The following ST18 variants were observed in gnomAD, a reference collection of about 807,000 sequenced individuals.
ST18 encodes the protein suppression of tumorigenicity 18 protein.
In ST18, 50 loss-of-function variants were observed where a neutral mutation model predicts 110.0. The ratio of observed to expected loss-of-function variants is 0.45; its 90% CI spans 0.36 to 0.58. ST18 has a LOEUF of 0.58. Ranked by LOEUF, ST18 falls within the 20% of genes least tolerant of loss-of-function variation. The probability of loss-of-function intolerance (pLI) is 0.00; values close to 1 mark genes in which losing one functional copy is unlikely to be tolerated. For synonymous variants in ST18, 461 were observed against 452.4 expected, an observed-to-expected ratio of 1.02 and a Z score of -0.24; for missense variants, 1,306 against 1,280.1, an observed-to-expected ratio of 1.02 and a Z score of -0.31.
At chr8:52,118,117 A>G (rs890548647) in intron 24 of ST18, among the ~76,000 whole-genome samples, 1 of 152,224 alleles carries the variant, frequency 6.6e-6, no homozygotes, top group Non-Finnish European at 1.5e-5. Context: ...CGATGCCACC[A>G]GGGCAAAAAC....
intron 2 of ST18, among the ~76,000 whole-genome samples, chr8:52,330,108 C>T (rs1808494134): frequency 6.6e-6 from 1 of 152,138 alleles, no homozygotes; most frequent in Non-Finnish European, 1.5e-5. Flanking sequence ...TATTCATTTG[C>T]CCTAGGATGC....
At chr8:52,225,717 G>A (rs982618867) in intron 3 of ST18, among the ~76,000 whole-genome samples, 1 of 152,188 alleles carries the variant, frequency 6.6e-6, no homozygotes, top group African/African-American at 2.4e-5. Flanking sequence ...CATGCTAAGT[G>A]TTTCCTATCT....
chr8:52,335,999 C>T (rs1811879700), intron 2 of ST18, among the ~76,000 whole-genome samples: 1 of 152,138 alleles, frequency 6.6e-6, no homozygotes, highest in Non-Finnish European at 1.5e-5. Flanking sequence ...TCTCCCCTTC[C>T]CTGCAGCCCA....
intron 2 of ST18, among the ~76,000 whole-genome samples, chr8:52,252,196 T>C (rs2094344817): frequency 6.6e-6 from 1 of 152,066 alleles, no homozygotes; most frequent in African/African-American, 2.4e-5. Context: ...AAAGTTATAC[T>C]GGGTTTTGCA....
chr8:52,183,249 A>G (rs756681036), intron 8 of ST18, among the ~76,000 whole-genome samples: 1 of 152,202 alleles, frequency 6.6e-6, no homozygotes, highest in South Asian at 2.1e-4. Flanking sequence ...GAGTGAGGAT[A>G]TACACAACAG....
intron 2 of ST18, among the ~76,000 whole-genome samples, chr8:52,237,865 C>G (rs2092896738): frequency 1.3e-5 from 2 of 151,966 alleles, no homozygotes; most frequent in African/African-American, 4.8e-5. Context: ...AATTACAGCT[C>G]AATAATAAAA....
chr8:52,150,549 C>T (rs535761340), intron 15 of ST18, among the ~76,000 whole-genome samples: 3 of 152,210 alleles, frequency 2.0e-5, no homozygotes, highest in Non-Finnish European at 2.9e-5. Context: ...CTATGTGAGC[C>T]GGAAATGCTT....
intron 8 of ST18, among the ~76,000 whole-genome samples, chr8:52,209,788 A>AATATATAT (rs55960327): frequency 1.9e-5 from 2 of 105,696 alleles, no homozygotes; most frequent in African/African-American, 9.0e-5. Flanking sequence ...AAAAAAAAAA[A>AATATATAT]ATATATATAT....
At chr8:52,259,105 T>C (rs1298216829) in intron 2 of ST18, among the ~76,000 whole-genome samples, 1 of 152,196 alleles carries the variant, frequency 6.6e-6, no homozygotes, top group Non-Finnish European at 1.5e-5. Context: ...TAGATTGGGC[T>C]ATCTTGGTGA....
chr8:52,312,498 A>G (rs2139741780), intron 2 of ST18, among the ~76,000 whole-genome samples: 1 of 152,362 alleles, frequency 6.6e-6, no homozygotes, highest in Non-Finnish European at 1.5e-5. Context: ...AAGATGCAGC[A>G]TGGTGTTCCC....
At chr8:52,169,452 T>G (rs1289754540) in intron 10 of ST18, among the ~76,000 whole-genome samples, 1 of 152,134 alleles carries the variant, frequency 6.6e-6, no homozygotes, top group Non-Finnish European at 1.5e-5. Flanking sequence ...ACTAAATGCT[T>G]AGTGGCAAGA....
intron 19 of ST18, among the ~76,000 whole-genome samples, chr8:52,136,158 C>T (rs996587673): frequency 6.6e-6 from 1 of 152,044 alleles, no homozygotes; most frequent in African/African-American, 2.4e-5. Context: ...GGAATGAGCC[C>T]AAACTCTTGG....
At chr8:52,133,978 G>A (rs2050919032) in intron 19 of ST18, among the ~76,000 whole-genome samples, 1 of 152,092 alleles carries the variant, frequency 6.6e-6, no homozygotes, top group Non-Finnish European at 1.5e-5. Context: ...TGATCTGCCC[G>A]TCTCGGCCTC....
intron 2 of ST18, among the ~76,000 whole-genome samples, chr8:52,263,743 CT>C (rs755461916): frequency 0.035 from 3,287 of 94,540 alleles, 47 homozygotes; most frequent in African/African-American, 0.063. Flanking sequence ...CAGTGCCTGG[CT>C]TTTTTTTTTT....
chr8:52,385,690 C>A (rs542201707), intron 2 of ST18, among the ~76,000 whole-genome samples: 2 of 151,290 alleles, frequency 1.3e-5, no homozygotes, highest in Admixed American at 1.3e-4. Context: ...TGCCCCAGAG[C>A]CCTCGCTTAA....
At chr8:52,311,442 C>T (rs2095906551) in intron 2 of ST18, among the ~76,000 whole-genome samples, 4 of 152,192 alleles carry the variant, frequency 2.6e-5, no homozygotes, top group Admixed American at 2.0e-4. Flanking sequence ...TCCCCCTCTA[C>T]AGTTCTATTG....
intron 2 of ST18, chr8:52,403,849 T>C (rs1843593861): frequency 1.3e-5 from 2 of 152,188 alleles, no homozygotes; most frequent in African/African-American, 2.4e-5. Flanking sequence ...AAATTAATCA[T>C]GCCTTGGTAA....
At chr8:52,276,154 G>GCATAGCCCATACA (rs2095246157) in intron 2 of ST18, among the ~76,000 whole-genome samples, 2 of 13,766 alleles carry the variant, frequency 1.5e-4, no homozygotes, top group African/African-American at 2.3e-4. Flanking sequence ...TGCACACCAC[G>GCATAGCCCATACA]CACCACACAT....
intron 2 of ST18, among the ~76,000 whole-genome samples, chr8:52,310,383 G>C (rs62499826): frequency 6.6e-6 from 1 of 151,956 alleles, no homozygotes; most frequent in Admixed American, 6.5e-5. Flanking sequence ...TGTAACTACT[G>C]TGTCTTTTAT....
Sources: allele counts gnomAD v4.1 joint callset (sites outside exome capture counted in the v4.1 genomes callset), GRCh38; gene constraint gnomAD v4.1.1; transcripts MANE v1.5; gene names NCBI Gene and HGNC (gene_info 2026-07-23, HGNC 2026-07-21).